Variants in FSTL4 observed in about 807,000 individuals in gnomAD.
The protein encoded by FSTL4 is follistatin like 4.
FSTL4 carries 28 observed loss-of-function variants against 78.2 expected under a neutral mutation model. That is an observed-to-expected ratio of 0.36 (90% CI 0.27 to 0.49). The LOEUF (loss-of-function observed/expected upper bound fraction) is 0.49, where lower values mean the gene tolerates loss of function less well. Among genes scored for constraint, FSTL4 ranks in the 20% least tolerant of loss-of-function variants. The pLI, the probability that FSTL4 is intolerant of heterozygous loss-of-function variation, is 0.98. For synonymous variants in FSTL4, 422 were observed against 440.5 expected (o/e 0.96, Z 0.53); for missense variants, 922 against 1,084.9 (o/e 0.85, Z 2.11).
At chr5:133,517,510 C>CACAAAA (rs1491432421) in intron 3 of FSTL4, among the ~76,000 whole-genome samples, 1 of 118,656 alleles carries the variant, frequency 8.4e-6, no homozygotes, top group Non-Finnish European at 1.8e-5. Flanking sequence ...CACACACACA[C>CACAAAA]AAACTGAAAG....
At chr5:133,357,284 G>A (rs542314307) in intron 4 of FSTL4, among the ~76,000 whole-genome samples, 280 of 152,244 alleles carry the variant, frequency 1.8e-3, no homozygotes, top group Non-Finnish European at 6.0e-4. Flanking sequence ...CTGCCCCTAG[G>A]AGAACTCCCC....
chr5:133,737,257 A>G, the FSTL4 span, among the ~76,000 whole-genome samples: 1 of 119,196 alleles, frequency 8.4e-6, no homozygotes, highest in African/African-American at 3.2e-5. Context: ...TAATCCCCCC[A>G]CTACCCTTCC....
At chr5:133,708,210 A>G in the FSTL4 span, among the ~76,000 whole-genome samples, 1 of 150,396 alleles carries the variant, frequency 6.6e-6, no homozygotes, top group African/African-American at 2.5e-5. Context: ...GAGGGAAGAA[A>G]AGAGGGAGGG....
chr5:133,226,414 G>A lies in FSTL4; in HGVS notation c.1016-595C>T, dbSNP rs140394538. Among the ~76,000 whole-genome samples the A allele has an allele frequency of 1.6e-3, 238 of 152,234 alleles. 1 individual carries two copies. The highest frequency in any genetic ancestry group is 5.5e-3 in the African/African-American group (229 of 41,544). On this transcript the variant is annotated intron_variant, in intron 8 of 15. Transcript: ENST00000265342. ...CAGTCAGGTTCAGGGTTGGGGGTGT[G>A]AGCCTGCCCACTCACCAGACGAGCA... is the stretch of plus-strand genomic sequence containing the variant.
At chr5:133,378,876 C>T (rs1338875509) in intron 4 of FSTL4, among the ~76,000 whole-genome samples, 1 of 151,954 alleles carries the variant, frequency 6.6e-6, no homozygotes, top group African/African-American at 2.4e-5. Flanking sequence ...TGAAATGAGA[C>T]ATATAAGAAG....
the FSTL4 span, among the ~76,000 whole-genome samples, chr5:133,641,482 A>C: frequency 6.6e-6 from 1 of 152,212 alleles, no homozygotes; most frequent in Admixed American, 6.5e-5. Flanking sequence ...TTTTGGGAAG[A>C]CAATGTTATA....
At chr5:133,670,259 G>A in the FSTL4 span, among the ~76,000 whole-genome samples, 2 of 152,216 alleles carry the variant, frequency 1.3e-5, no homozygotes, top group African/African-American at 4.8e-5. Context: ...CTGCCAGGCT[G>A]GGCTAAAAGA....
intron 4 of FSTL4, among the ~76,000 whole-genome samples, chr5:133,364,431 G>T (rs1755134864): frequency 6.6e-6 from 1 of 152,220 alleles, no homozygotes. Context: ...AGGAGGAATT[G>T]GCAGGGGCTG....
intron 4 of FSTL4, among the ~76,000 whole-genome samples, chr5:133,350,789 A>G (rs889076074): frequency 1.3e-5 from 2 of 152,120 alleles, no homozygotes; most frequent in African/African-American, 4.8e-5. Flanking sequence ...GCTAGCCAAA[A>G]TATTCTCCTT....
the FSTL4 span, among the ~76,000 whole-genome samples, chr5:133,695,650 G>A: frequency 3.3e-5 from 5 of 152,266 alleles, no homozygotes; most frequent in East Asian, 9.7e-4. Flanking sequence ...TCCTGCTTCA[G>A]CCAAGCTCTT....
At chr5:133,729,643 C>T in the FSTL4 span, among the ~76,000 whole-genome samples, 1 of 152,066 alleles carries the variant, frequency 6.6e-6, no homozygotes, top group Non-Finnish European at 1.5e-5. Context: ...AACATTCATT[C>T]CTCCCACCTC....
At chr5:133,591,767 G>A (rs1760632635) in intron 2 of FSTL4, among the ~76,000 whole-genome samples, 1 of 152,136 alleles carries the variant, frequency 6.6e-6, no homozygotes, top group Non-Finnish European at 1.5e-5. Context: ...AGAACAGGCA[G>A]AGGAGGGAGA....
At chr5:133,510,045 T>C (rs1580755089) in intron 3 of FSTL4, among the ~76,000 whole-genome samples, 1 of 152,386 alleles carries the variant, frequency 6.6e-6, no homozygotes, top group East Asian at 1.9e-4. Context: ...CACTGTATGC[T>C]AGGCCCTGTG....
chr5:133,628,943 C>T, the FSTL4 span, among the ~76,000 whole-genome samples: 8 of 118,598 alleles, frequency 6.7e-5, 2 homozygotes, highest in African/African-American at 2.6e-4. Flanking sequence ...ACTTGACTTC[C>T]TCTCTTCCTA....
At chr5:133,415,608 G>A (rs1756564617) in intron 3 of FSTL4, among the ~76,000 whole-genome samples, 1 of 151,992 alleles carries the variant, frequency 6.6e-6, no homozygotes, top group Non-Finnish European at 1.5e-5. Flanking sequence ...TGGCCAAGTG[G>A]GGGTCAAAGC....
the FSTL4 span, among the ~76,000 whole-genome samples, chr5:133,668,692 T>C: frequency 6.6e-6 from 1 of 152,198 alleles, no homozygotes; most frequent in African/African-American, 2.4e-5. Context: ...CCCTTTTGGA[T>C]GGCAGTTCCA....
At chr5:133,713,178 T>C in the FSTL4 span, among the ~76,000 whole-genome samples, 1 of 152,158 alleles carries the variant, frequency 6.6e-6, no homozygotes, top group African/African-American at 2.4e-5. Flanking sequence ...ATCTTAAAAA[T>C]TAAGATAAAT....
chr5:133,228,859 A>T (rs1751408799), intron 8 of FSTL4, among the ~76,000 whole-genome samples: 1 of 152,256 alleles, frequency 6.6e-6, no homozygotes, highest in South Asian at 2.1e-4. Flanking sequence ...GAGAGGCAAT[A>T]CCAGACTCCC....
intron 6 of FSTL4, among the ~76,000 whole-genome samples, chr5:133,257,842 A>T (rs1276820900): frequency 6.6e-6 from 1 of 152,214 alleles, no homozygotes; most frequent in East Asian, 1.9e-4. Context: ...ACACCCAAAG[A>T]TGATGGGCAT....
Sources: gnomAD v4.1 joint callset for allele counts (sites outside exome capture counted in the v4.1 genomes callset) on GRCh38, gnomAD v4.1.1 for gene constraint, MANE v1.5 for transcripts, NCBI Gene and HGNC (gene_info 2026-07-23, HGNC 2026-07-21) for gene names.